The following PKIB variants were observed in gnomAD, a reference collection of about 807,000 sequenced individuals.
PKIB encodes cAMP-dependent protein kinase inhibitor beta.
A neutral mutation model predicts 4.5 loss-of-function variants in PKIB; 2 were observed. The ratio of observed to expected loss-of-function variants is 0.44; its 90% CI spans 0.18 to 1.39. The LOEUF is 1.39. PKIB is among the 40% of genes most tolerant of loss of function. The pLI is 0.27. For synonymous variants in PKIB, 38 were observed against 36.0 expected, an observed-to-expected ratio of 1.06 and a Z score of -0.20; for missense variants, 94 against 92.6, an observed-to-expected ratio of 1.02 and a Z score of -0.06.
intron 2 of PKIB, among the ~76,000 whole-genome samples, chr6:122,553,755 C>T (rs1009862708): frequency 3.3e-5 from 5 of 151,794 alleles, no homozygotes; most frequent in Non-Finnish European, 7.4e-5. Context: ...GAGAATTGAA[C>T]AATGAATAAG....
chr6:122,628,949 G>C (rs1031297148), intron 1 of PKIB, among the ~76,000 whole-genome samples: 2 of 152,142 alleles, frequency 1.3e-5, no homozygotes, highest in Admixed American at 6.5e-5. Flanking sequence ...ATTCCATGGG[G>C]AACTCAGCAG....
chr6:122,587,903 A>T (rs1773899331), intron 3 of PKIB, among the ~76,000 whole-genome samples: 1 of 151,916 alleles, frequency 6.6e-6, no homozygotes, highest in Non-Finnish European at 1.5e-5. Flanking sequence ...GTTTGAGTTC[A>T]TTGTAGATTC....
intron 3 of PKIB, among the ~76,000 whole-genome samples, chr6:122,677,335 G>GT (rs1187689756): frequency 7.9e-5 from 12 of 151,598 alleles, no homozygotes; most frequent in South Asian, 4.2e-4. Flanking sequence ...TTTGTTTTTT[G>GT]TTTTTTTTAA....
rs114254539 is a variant in PKIB, at chr6:122,553,460, T to C, written c.-247-32461T>C. ...CTCATCACCTTGTTGCACTCATCTC[T>C]CAAGATTGCTCAAATATCTTCTTTT... On this transcript the variant is annotated intron_variant, in intron 2 of 6. Coordinates refer to the PKIB transcript ENST00000392491. 5.1e-3 allele frequency among the ~76,000 whole-genome samples: 720 copies of C among 140,950 alleles called. 8 individuals carry two copies. Among genetic ancestry groups the C allele is most frequent in the African/African-American group, 0.018 (681 of 38,756 alleles). 92.5% of individuals were successfully genotyped at this position (140,950 alleles called of 152,430 possible). A position where few individuals can be genotyped will look rare whatever the true frequency, so the allele number is the denominator to read the frequency against.
Position 122,499,201 on chromosome 6 carries a change from C to G in PKIB, c.-248+21262C>G, listed in dbSNP as rs181725083. On this transcript the variant is annotated intron_variant, in intron 2 of 6. Coordinates refer to the PKIB transcript ENST00000392491. ...AAAACTGAGGAACAGGGACTCTTCT[C>G]TAACACATTGTACAAAGCGAGCATC... is the stretch of plus-strand genomic sequence containing the variant. Among the ~76,000 whole-genome samples, 400 of 152,282 alleles carry G rather than the reference C, an allele frequency of 2.6e-3. 2 individuals carry two copies. The highest frequency in any genetic ancestry group is 9.4e-3 in the African/African-American group (391 of 41,562).
At chr6:122,590,209 T>G (rs1562262043) in intron 3 of PKIB, among the ~76,000 whole-genome samples, 2 of 152,152 alleles carry the variant, frequency 1.3e-5, no homozygotes, top group Non-Finnish European at 2.9e-5. Context: ...TGATGCCTTA[T>G]TTATAGGAAG....
intron 2 of PKIB, among the ~76,000 whole-genome samples, chr6:122,580,014 TAC>T (rs915157052): frequency 6.6e-6 from 1 of 152,204 alleles, no homozygotes; most frequent in African/African-American, 2.4e-5. Flanking sequence ...GTAAAATTAA[TAC>T]CTCTCATTTA....
chr6:122,572,583 CA>C (rs1189381189), intron 2 of PKIB, among the ~76,000 whole-genome samples: 3 of 134,958 alleles, frequency 2.2e-5, no homozygotes, highest in African/African-American at 8.3e-5. Context: ...GAAACAATAA[CA>C]AAGCAAATCC....
At chr6:122,684,214 A>G (rs1778008909) in intron 3 of PKIB, among the ~76,000 whole-genome samples, 1 of 152,186 alleles carries the variant, frequency 6.6e-6, no homozygotes, top group African/African-American at 2.4e-5. Context: ...TTACTAATCA[A>G]TAGGCATAAA....
intron 3 of PKIB, among the ~76,000 whole-genome samples, chr6:122,692,403 T>C (rs1440236155): frequency 6.6e-6 from 1 of 152,214 alleles, no homozygotes; most frequent in Non-Finnish European, 1.5e-5. Flanking sequence ...ACTCAGACCA[T>C]GAGACAAAGT....
At chr6:122,659,128 A>T (rs1776888630) in intron 2 of PKIB, among the ~76,000 whole-genome samples, 1 of 152,156 alleles carries the variant, frequency 6.6e-6, no homozygotes, top group Non-Finnish European at 1.5e-5. Context: ...GCTTCTAAAC[A>T]CTTTAAAATA....
At chr6:122,538,084 T>G (rs1247730431) in intron 2 of PKIB, among the ~76,000 whole-genome samples, 2 of 152,142 alleles carry the variant, frequency 1.3e-5, no homozygotes, top group Admixed American at 1.3e-4. Flanking sequence ...ATTAGCCCTT[T>G]GTCAGATGAG....
chr6:122,610,031 A>G (rs1774681596), upstream of PKIB, among the ~76,000 whole-genome samples: 1 of 152,156 alleles, frequency 6.6e-6, no homozygotes, highest in South Asian at 2.1e-4. Context: ...GAGGGACAGA[A>G]AACACGATGC....
chr6:122,658,149 G>T (rs147749737), intron 2 of PKIB, among the ~76,000 whole-genome samples: 3 of 152,206 alleles, frequency 2.0e-5, no homozygotes, highest in African/African-American at 7.2e-5. Flanking sequence ...AAATATTTTT[G>T]TAATAGATTG....
chr6:122,676,814 AAT>A (rs1478770865), intron 3 of PKIB, among the ~76,000 whole-genome samples: 2 of 152,208 alleles, frequency 1.3e-5, no homozygotes, highest in African/African-American at 4.8e-5. Flanking sequence ...ATTTTGCGGC[AAT>A]ATAGGCTGTT....
At chr6:122,567,622 T>C (rs1423437475) in intron 2 of PKIB, among the ~76,000 whole-genome samples, 3 of 152,228 alleles carry the variant, frequency 2.0e-5, no homozygotes, top group Admixed American at 2.0e-4. Flanking sequence ...TCTGAAATAC[T>C]ATTAAATGAA....
chr6:122,504,839 A>C (rs751176897), intron 2 of PKIB, among the ~76,000 whole-genome samples: 4 of 152,192 alleles, frequency 2.6e-5, no homozygotes, highest in Non-Finnish European at 5.9e-5. Context: ...TTTTCAGGTC[A>C]TGTCCTGTTG....
At chr6:122,604,015 TATTTA>T (rs1363229812) in intron 3 of PKIB, among the ~76,000 whole-genome samples, 143 of 152,342 alleles carry the variant, frequency 9.4e-4, no homozygotes, top group African/African-American at 2.9e-3. Flanking sequence ...CTTACTTACA[TATTTA>T]TACAAAAATA....
chr6:122,590,980 T>A (rs908693919), intron 3 of PKIB, among the ~76,000 whole-genome samples: 6 of 152,082 alleles, frequency 3.9e-5, no homozygotes, highest in South Asian at 4.1e-4. Context: ...AGAATTGCCC[T>A]TGCTTATCAT....
Sources: allele counts gnomAD v4.1 joint callset (sites outside exome capture counted in the v4.1 genomes callset), GRCh38; gene constraint gnomAD v4.1.1; transcripts MANE v1.5; gene names NCBI Gene and HGNC (gene_info 2026-07-23, HGNC 2026-07-21).